Variants in PSD3 observed in about 807,000 individuals in gnomAD.
The protein encoded by PSD3 is pleckstrin and Sec7 domain containing 3, also known as PH and SEC7 domain-containing protein 3.
A neutral mutation model predicts 105.5 loss-of-function variants in PSD3; 49 were observed. The observed-to-expected ratio is 0.46, with a 90% CI of 0.37 to 0.59. PSD3 has a LOEUF of 0.59. Ranked by LOEUF, PSD3 falls within the 20% of genes least tolerant of loss-of-function variation. The pLI is 0.00. For synonymous variants in PSD3, 557 were observed against 457.8 expected (o/e 1.22, Z -2.77); for missense variants, 1,561 against 1,263.8 (o/e 1.24, Z -3.57).
chr8:18,771,493 T>C (rs77553985), intron 8 of PSD3, among the ~76,000 whole-genome samples: 2,023 of 152,346 alleles, frequency 0.013, 56 homozygotes, highest in African/African-American at 0.046. Flanking sequence ...TATTTAGATA[T>C]TTGACCCATT....
At chr8:18,602,309 G>A (rs559925087) in intron 11 of PSD3, among the ~76,000 whole-genome samples, 3 of 152,180 alleles carry the variant, frequency 2.0e-5, no homozygotes, top group East Asian at 1.9e-4. Context: ...ACTACAAAGA[G>A]ATTCCAAAGA....
intron 8 of PSD3, among the ~76,000 whole-genome samples, chr8:18,775,819 G>C (rs1406675617): frequency 2.0e-5 from 3 of 152,134 alleles, no homozygotes; most frequent in Non-Finnish European, 2.9e-5. Flanking sequence ...CTGGGCAGAA[G>C]GGTTTTAGCT....
chr8:18,617,907 G>A (rs922377907), intron 11 of PSD3, among the ~76,000 whole-genome samples: 5 of 152,088 alleles, frequency 3.3e-5, no homozygotes, highest in African/African-American at 4.8e-5. Flanking sequence ...GACATATTTT[G>A]AAATGATCTG....
At chr8:18,723,552 T>A (rs564502323) in intron 9 of PSD3, among the ~76,000 whole-genome samples, 1 of 152,292 alleles carries the variant, frequency 6.6e-6, no homozygotes, top group African/African-American at 2.4e-5. Flanking sequence ...AAAAGACATA[T>A]GACAGAGTTC....
intron 9 of PSD3, among the ~76,000 whole-genome samples, chr8:18,724,806 C>T (rs1483018072): frequency 6.6e-6 from 1 of 151,818 alleles, no homozygotes; most frequent in Non-Finnish European, 1.5e-5. Flanking sequence ...TGAATAAAAG[C>T]AGCAAGGAAA....
chr8:18,570,006 G>A (rs373859850), intron 14 of PSD3, among the ~76,000 whole-genome samples: 1 of 20,190 alleles, frequency 5.0e-5, no homozygotes, highest in Non-Finnish European at 1.8e-4. Context: ...AAAAGAGCCC[G>A]CATCGCCAAG....
chr8:19,049,842 T>C (rs1357882283), intron 1 of PSD3, among the ~76,000 whole-genome samples: 2 of 152,098 alleles, frequency 1.3e-5, no homozygotes, highest in East Asian at 3.9e-4. Context: ...CAAATTCGAG[T>C]CTGAAGCCAG....
chr8:18,950,362 G>C (rs776807573), intron 1 of PSD3, among the ~76,000 whole-genome samples: 1 of 152,058 alleles, frequency 6.6e-6, no homozygotes, highest in Non-Finnish European at 1.5e-5. Context: ...TTTTGTGGTA[G>C]CAACATTTGA....
chr8:18,938,389 G>C (rs1465619878), intron 1 of PSD3, among the ~76,000 whole-genome samples: 1 of 152,042 alleles, frequency 6.6e-6, no homozygotes, highest in Non-Finnish European at 1.5e-5. Context: ...TGGGAGGCTG[G>C]GGTGGGCGCA....
At chr8:18,755,055 C>A (rs188918025) in intron 9 of PSD3, among the ~76,000 whole-genome samples, 1 of 152,018 alleles carries the variant, frequency 6.6e-6, no homozygotes, top group African/African-American at 2.4e-5. Flanking sequence ...CATGATGTGA[C>A]CAGTTACATT....
intron 1 of PSD3, among the ~76,000 whole-genome samples, chr8:18,944,522 G>T (rs1186697490): frequency 1.3e-5 from 2 of 152,164 alleles, no homozygotes; most frequent in Non-Finnish European, 2.9e-5. Context: ...AGTGAGCCAA[G>T]ATTGAGCCAC....
At chr8:18,771,553 T>C (rs2129444369) in intron 8 of PSD3, among the ~76,000 whole-genome samples, 1 of 152,334 alleles carries the variant, frequency 6.6e-6, no homozygotes, top group South Asian at 2.1e-4. Flanking sequence ...TTCATTCTTT[T>C]ACATGTGGAT....
chr8:18,839,034 T>C (rs1238769407), intron 4 of PSD3, among the ~76,000 whole-genome samples: 2 of 151,608 alleles, frequency 1.3e-5, no homozygotes, highest in East Asian at 4.0e-4. Context: ...AAACCAACTT[T>C]AAAACAAGCA....
At position 18,652,605 on chromosome 8, in the gene PSD3, C is replaced by G. The variant is rs1445076153; in HGVS notation, c.2216+3037G>C. ...CTCTGTTTCTTGGGTTCAAGCAATT[C>G]TCCCGCCTCAGCCTCCTGAGTAGCT... On this transcript the variant is annotated intron_variant, in intron 10 of 15. Coordinates refer to ENST00000327040, the MANE Select transcript of PSD3 (RefSeq NM_015310.4). Among the ~76,000 whole-genome samples, 6 of 141,662 alleles carry G rather than the reference C, an allele frequency of 4.2e-5. No individual in the cohort carries two copies. In the South Asian group the frequency reaches 1.4e-3, roughly 34 times the overall value. The allele number at this position is 141,662 out of a possible 152,430, so 92.9% of individuals were successfully genotyped here.
At chr8:18,958,155 T>G (rs1322806422) in intron 1 of PSD3, among the ~76,000 whole-genome samples, 1 of 152,114 alleles carries the variant, frequency 6.6e-6, no homozygotes, top group African/African-American at 2.4e-5. Context: ...ATAAGGTAGA[T>G]ATTAAAAAAG....
chr8:18,922,681 G>C (rs897261284), intron 2 of PSD3, among the ~76,000 whole-genome samples: 6 of 152,218 alleles, frequency 3.9e-5, no homozygotes, highest in Non-Finnish European at 5.9e-5. Context: ...CCCATCTAAA[G>C]CCGTAGGTTG....
At chr8:18,883,173 C>A (rs1818228985) in intron 2 of PSD3, among the ~76,000 whole-genome samples, 2 of 152,124 alleles carry the variant, frequency 1.3e-5, no homozygotes, top group Admixed American at 1.3e-4. Flanking sequence ...GGATGAGAAA[C>A]ACACCTCCAG....
intron 4 of PSD3, among the ~76,000 whole-genome samples, chr8:18,845,371 C>T (rs1814998999): frequency 6.6e-6 from 1 of 152,158 alleles, no homozygotes; most frequent in Non-Finnish European, 1.5e-5. Context: ...TGCACTGTCC[C>T]ACTCACATGG....
chr8:18,893,036 CT>C (rs1161827506), intron 2 of PSD3, among the ~76,000 whole-genome samples: 2 of 152,182 alleles, frequency 1.3e-5, no homozygotes. Context: ...TGATATGTAT[CT>C]GTTTTGTGCA....
Sources: gnomAD v4.1 joint callset for allele counts (sites outside exome capture counted in the v4.1 genomes callset) on GRCh38, gnomAD v4.1.1 for gene constraint, MANE v1.5 for transcripts, NCBI Gene and HGNC (gene_info 2026-07-23, HGNC 2026-07-21) for gene names.